MACROD1: variants seen among roughly 807,000 people sequenced by gnomAD.
The protein encoded by MACROD1 is mono-ADP ribosylhydrolase 1, also known as ADP-ribose glycohydrolase MACROD1.
A neutral mutation model predicts 41.4 loss-of-function variants in MACROD1; 31 were observed. The ratio of observed to expected loss-of-function variants is 0.75; its 90% CI spans 0.56 to 1.01. MACROD1 has a LOEUF of 1.01. Among genes scored for constraint, MACROD1 ranks in the 50% least tolerant of loss-of-function variants. MACROD1 has a pLI of 0.00. For synonymous variants in MACROD1, 252 were observed against 203.4 expected, an observed-to-expected ratio of 1.24 and a Z score of -2.03; for missense variants, 473 against 460.0, an observed-to-expected ratio of 1.03 and a Z score of -0.26.
At position 64,043,309 on chromosome 11, in the gene MACROD1, G is replaced by A. The variant is rs1943523424; in HGVS notation, c.518-28028C>T. On this transcript the variant is annotated intron_variant, in intron 3 of 10. Transcript: ENST00000255681. ...CTGAGGAGCTCAGGGGCTGGAGAGG[G>A]GCTGTACAGGCTAGCTTTCCGCCCT... 2.0e-5 allele frequency among the ~76,000 whole-genome samples: 3 copies of A among 152,220 alleles called. No homozygotes were observed. In the South Asian group the frequency reaches 6.2e-4, roughly 31 times the overall value.
Position 64,146,768 on chromosome 11 carries a change from C to T in MACROD1, c.517+4471G>A, listed in dbSNP as rs371737973. 4.6e-5 allele frequency among the ~76,000 whole-genome samples: 7 copies of T among 151,502 alleles called. No individual in the cohort carries two copies. The highest frequency in any genetic ancestry group is 2.1e-4 in the South Asian group (1 of 4,788). ...GACACACACACATCACGCACACACACGCATCACACACATCATACAAATGCA... is the reference window on the plus strand; with the variant it reads ...GACACACACACATCACGCACACACATGCATCACACACATCATACAAATGCA... On this transcript the variant is annotated intron_variant, in intron 3 of 10. Coordinates refer to ENST00000255681, the MANE Select transcript of MACROD1 (RefSeq NM_014067.4). The surrounding 1 kb of genome is among the most constrained non-coding windows in gnomAD (Gnocchi z 4.7).
intron 4 of MACROD1, among the ~76,000 whole-genome samples, chr11:64,007,275 C>A (rs571022236): frequency 6.6e-6 from 1 of 152,156 alleles, no homozygotes; most frequent in Non-Finnish European, 1.5e-5. Flanking sequence ...ACGGGACACG[C>A]GGCTCTAAGT....
chr11:64,129,958 G>A (rs745710525), intron 3 of MACROD1, among the ~76,000 whole-genome samples: 16 of 152,224 alleles, frequency 1.1e-4, no homozygotes, highest in Non-Finnish European at 5.9e-5. Context: ...TGAGCCTCCC[G>A]TTCTTACAGG....
At chr11:64,154,407 C>T (rs762345228) in intron 1 of MACROD1, among the ~76,000 whole-genome samples, 15 of 152,162 alleles carry the variant, frequency 9.9e-5, no homozygotes, top group Non-Finnish European at 1.9e-4. Flanking sequence ...TCTCACCCTC[C>T]AGGACTGAGC....
chr11:64,031,329 G>T (rs548148693), intron 3 of MACROD1, among the ~76,000 whole-genome samples: 1 of 152,276 alleles, frequency 6.6e-6, no homozygotes, highest in South Asian at 2.1e-4. Context: ...CTGCGCCAGG[G>T]CCCACCCTCC....
rs75097477 is a variant in MACROD1 at position 64,015,371 on chromosome 11, G to T, written c.518-90C>A. 3.1e-3 allele frequency: 4,048 copies of T among 1,295,356 alleles called. 91 individuals are homozygous for T. In the African/African-American group the frequency reaches 0.051, roughly 16 times the overall value. The allele number at this position is 1,295,356 out of a possible 1,614,324, so 80.2% of individuals were successfully genotyped here. A position where few individuals can be genotyped will look rare whatever the true frequency, so the allele number is the denominator to read the frequency against. On this transcript the variant is annotated intron_variant, in intron 3 of 10. Transcript: ENST00000255681. ...AGGGGAGGGTGATGTCAAGATGGGA[G>T]TGGGCTGCCAGCTAGGTCTTCAGAC...
Position 63,998,885 on chromosome 11 carries a change from G to C in MACROD1, c.974-13C>G. 1 of 1,596,850 alleles carries C rather than the reference G, an allele frequency of 6.3e-7. No individual in the cohort carries two copies. Among genetic ancestry groups the C allele is most frequent in the Non-Finnish European group, 8.5e-7 (1 of 1,173,220 alleles). ...CGGGAGCCTCAGGCTGGAAGGCAGA[G>C]GACAGTGAGAGCCCGCCCCCAGGGT... is the stretch of plus-strand genomic sequence containing the variant. On this transcript the variant is annotated splice_polypyrimidine_tract_variant and intron_variant, in intron 9 of 10. Coordinates refer to ENST00000255681, the MANE Select transcript of MACROD1 (RefSeq NM_014067.4).
At chr11:64,034,089 T>A (rs1590817457) in intron 3 of MACROD1, among the ~76,000 whole-genome samples, 1 of 151,856 alleles carries the variant, frequency 6.6e-6, no homozygotes, top group African/African-American at 2.4e-5. Flanking sequence ...GGTGTGGGGG[T>A]GGCAGGGATA....
At chr11:64,128,625 T>C (rs1171500098) in intron 3 of MACROD1, among the ~76,000 whole-genome samples, 2 of 140,082 alleles carry the variant, frequency 1.4e-5, no homozygotes, top group African/African-American at 5.2e-5. Flanking sequence ...CATCTCCCCG[T>C]TGCCCCCCTC....
chr11:64,145,253 C>T (rs1242412776), intron 3 of MACROD1, among the ~76,000 whole-genome samples: 1 of 152,218 alleles, frequency 6.6e-6, no homozygotes, highest in Non-Finnish European at 1.5e-5. Context: ...TCCCACCCGT[C>T]CCCGCCGCAC....
At chr11:64,065,533 T>C (rs569414399) in intron 3 of MACROD1, among the ~76,000 whole-genome samples, 1 of 152,260 alleles carries the variant, frequency 6.6e-6, no homozygotes, top group South Asian at 2.1e-4. Context: ...CTCATGCCTG[T>C]AATCCCAGCA....
Position 64,165,770 on chromosome 11 carries a change from C to T in MACROD1, c.225G>A (p.Val75=). Residue 75 remains valine, a synonymous_variant, in exon 1 of 11, where the codon GTG becomes GTA. Coordinates refer to ENST00000255681, the MANE Select transcript of MACROD1 (RefSeq NM_014067.4). ...GAAAVGRTAG[V]RTWAPLAMAA... is the part of the protein sequence containing the mutation. ...CCATGGCCAGGGGGGCCCAAGTGCG[C>T]ACCCCGGCTGTCCGCCCCACCGCCG... 6.7e-7 allele frequency: 1 copy of T among 1,498,640 alleles called. No homozygotes were observed. Among genetic ancestry groups the T allele is most frequent in the Non-Finnish European group, 8.8e-7 (1 of 1,130,156 alleles). The allele number at this position is 1,498,640 out of a possible 1,614,324, so 92.8% of individuals were successfully genotyped here.
intron 4 of MACROD1, among the ~76,000 whole-genome samples, chr11:64,015,014 G>A (rs1027816014): frequency 2.0e-5 from 3 of 152,212 alleles, no homozygotes; most frequent in African/African-American, 7.2e-5. Flanking sequence ...CCCCTGCCCA[G>A]TTACAGAGCA....
rs551095306 is a variant in MACROD1 at position 64,064,312 on chromosome 11, G to A, written c.518-49031C>T. Reference sequence around the variant, plus strand: ...GCAGCCCTGTTCAGGCGGCGGGTAGGGGGGTGATGTCTCATCAGAAGAGGG... The same window carrying A: ...GCAGCCCTGTTCAGGCGGCGGGTAGAGGGGTGATGTCTCATCAGAAGAGGG... On this transcript the variant is annotated intron_variant, in intron 3 of 10. Transcript: ENST00000255681. The surrounding 1 kb of genome is among the most constrained non-coding windows in gnomAD (Gnocchi z 4.5). 6.6e-6 allele frequency among the ~76,000 whole-genome samples: 1 copy of A among 152,224 alleles called. No homozygotes were observed. Among genetic ancestry groups the A allele is most frequent in the Non-Finnish European group, 1.5e-5 (1 of 68,040 alleles).
chr11:64,074,070 TGGG>T (rs1944157864), intron 3 of MACROD1, among the ~76,000 whole-genome samples: 1 of 151,724 alleles, frequency 6.6e-6, no homozygotes, highest in Non-Finnish European at 1.5e-5. Flanking sequence ...GGGATGGGGG[TGGG>T]GGGAATACCC....
At chr11:63,999,986 C>G (rs1942792098) in intron 5 of MACROD1, 2 of 657,556 alleles carry the variant, frequency 3.0e-6, no homozygotes, top group Non-Finnish European at 5.1e-6. Context: ...CCGGCTGAGA[C>G]CCGAGCGCGA....
intron 3 of MACROD1, among the ~76,000 whole-genome samples, chr11:64,030,147 A>G (rs1415102383): frequency 6.6e-6 from 1 of 151,168 alleles, no homozygotes; most frequent in Non-Finnish European, 1.5e-5. Flanking sequence ...AGCTGGTTAG[A>G]CCTGATCTCC....
chr11:64,097,030 G>A (rs1384740749), intron 3 of MACROD1, among the ~76,000 whole-genome samples: 7 of 152,262 alleles, frequency 4.6e-5, no homozygotes, highest in East Asian at 3.9e-4. Context: ...CCAGGCGGAT[G>A]AGAACTCTTC....
intron 3 of MACROD1, among the ~76,000 whole-genome samples, chr11:64,051,071 C>G (rs1017632035): frequency 6.6e-6 from 1 of 152,226 alleles, no homozygotes; most frequent in African/African-American, 2.4e-5. Flanking sequence ...TGTGCCCCAC[C>G]GATCTGGAGG....
Sources: allele counts gnomAD v4.1 joint callset (sites outside exome capture counted in the v4.1 genomes callset), GRCh38; gene constraint gnomAD v4.1.1; non-coding constraint Gnocchi (gnomAD v3.1); transcripts MANE v1.5; gene names NCBI Gene and HGNC (gene_info 2026-07-23, HGNC 2026-07-21).